The following WDR47 variants were observed in gnomAD, a reference collection of about 807,000 sequenced individuals.
The protein encoded by WDR47 is WD repeat domain 47, also known as WD repeat-containing protein 47.
A neutral mutation model predicts 97.2 loss-of-function variants in WDR47; 32 were observed. The ratio of observed to expected loss-of-function variants is 0.33; its 90% CI spans 0.25 to 0.44. WDR47 has a LOEUF of 0.44. Ranked by LOEUF, WDR47 falls within the 20% of genes least tolerant of loss-of-function variation. WDR47 has a pLI of 1.00. For missense variants in WDR47, 782 were observed against 1,102.3 expected (o/e 0.71, Z 4.11); for synonymous variants, 375 against 373.5 (o/e 1.00, Z -0.05).
chr1:109,040,418 C>T (rs1174720714), intron 1 of WDR47, among the ~76,000 whole-genome samples: 2 of 151,724 alleles, frequency 1.3e-5, no homozygotes, highest in Non-Finnish European at 2.9e-5. Flanking sequence ...CCCCTGTTCT[C>T]TTATGACACA....
chr1:109,018,623 TG>T (rs1407918718), intron 2 of WDR47, among the ~76,000 whole-genome samples: 5 of 151,996 alleles, frequency 3.3e-5, no homozygotes, highest in African/African-American at 1.2e-4. Flanking sequence ...GAAACCAGCC[TG>T]GGAAACATGG....
At chr1:108,986,055 A>C (rs954049667) in intron 10 of WDR47, among the ~76,000 whole-genome samples, 1 of 152,056 alleles carries the variant, frequency 6.6e-6, no homozygotes, top group African/African-American at 2.4e-5. Context: ...AAAAGTCTTA[A>C]GAGGTGTAAA....
At chr1:108,988,270 A>G (rs1416993294) in intron 9 of WDR47, among the ~76,000 whole-genome samples, 1 of 149,906 alleles carries the variant, frequency 6.7e-6, no homozygotes, top group African/African-American at 2.5e-5. Context: ...AAGAATAAGT[A>G]TGCATTCCTA....
intron 9 of WDR47, among the ~76,000 whole-genome samples, chr1:108,990,873 G>A (rs1200649505): frequency 6.6e-6 from 1 of 152,026 alleles, no homozygotes; most frequent in African/African-American, 2.4e-5. Flanking sequence ...CCATTAATAT[G>A]AACACTCCCA....
chr1:109,015,975 T>C (rs1020257414), intron 3 of WDR47, among the ~76,000 whole-genome samples: 6 of 78,524 alleles, frequency 7.6e-5, no homozygotes, highest in Admixed American at 1.8e-4. Context: ...AGAGTGAGAC[T>C]CCATCTCAAA....
At chr1:108,993,640 T>C (rs1659535322) in intron 8 of WDR47, among the ~76,000 whole-genome samples, 1 of 152,114 alleles carries the variant, frequency 6.6e-6, no homozygotes, top group South Asian at 2.1e-4. Flanking sequence ...CAGGATTCTA[T>C]CTAGACCTAC....
At chr1:109,026,057 T>C (rs552508148) in intron 1 of WDR47, among the ~76,000 whole-genome samples, 2 of 152,176 alleles carry the variant, frequency 1.3e-5, no homozygotes, top group African/African-American at 4.8e-5. Flanking sequence ...ATTCTTTTTT[T>C]TTTTTTAAAG....
intron 7 of WDR47, among the ~76,000 whole-genome samples, chr1:109,000,932 T>C (rs1398461430): frequency 2.0e-5 from 3 of 152,208 alleles, no homozygotes; most frequent in South Asian, 2.1e-4. Context: ...CATTTGCATA[T>C]ATTAATTCAC....
intron 2 of WDR47, 65 bp downstream of exon 2, chr1:109,023,290 T>G: frequency 6.7e-7 from 1 of 1,484,496 alleles, no homozygotes; most frequent in Admixed American, 2.0e-5. Flanking sequence ...TTATATATAT[T>G]ACCTTATTAA....
chr1:109,006,068 TA>T (rs1254356809), intron 5 of WDR47, among the ~76,000 whole-genome samples: 10 of 152,032 alleles, frequency 6.6e-5, no homozygotes, highest in African/African-American at 2.4e-4. Context: ...TATGTTTCTA[TA>T]GATTTTTAAG....
chr1:109,000,575 T>C (rs534331701), intron 7 of WDR47, among the ~76,000 whole-genome samples: 14 of 145,440 alleles, frequency 9.6e-5, no homozygotes, highest in African/African-American at 3.3e-4. Flanking sequence ...CTTTGGGACG[T>C]TGAGATGGGA....
chr1:109,014,091 T>A (rs968227313), intron 3 of WDR47, among the ~76,000 whole-genome samples, 166 bp from the exon 4 acceptor site: 1 of 152,212 alleles, frequency 6.6e-6, no homozygotes, highest in African/African-American at 2.4e-5. Context: ...AATCACAATT[T>A]AACACTCAGA....
intron 2 of WDR47, among the ~76,000 whole-genome samples, chr1:109,018,125 C>CTA (rs1364003124): frequency 6.6e-6 from 1 of 152,026 alleles, no homozygotes; most frequent in Admixed American, 6.6e-5. Context: ...CTCATACTAA[C>CTA]TATATATATG....
At chr1:109,006,376 A>G (rs1660624714) in intron 5 of WDR47, among the ~76,000 whole-genome samples, 2 of 152,158 alleles carry the variant, frequency 1.3e-5, no homozygotes, top group African/African-American at 4.8e-5. Flanking sequence ...CTGGGCAATA[A>G]GAGCTAGACT....
At chr1:109,020,817 T>G (rs747173761) in intron 2 of WDR47, among the ~76,000 whole-genome samples, 7 of 131,854 alleles carry the variant, frequency 5.3e-5, no homozygotes, top group Non-Finnish European at 9.0e-5. Context: ...CCTAATATAA[T>G]AAAGCTTTGT....
intron 7 of WDR47, among the ~76,000 whole-genome samples, chr1:109,000,114 G>A (rs370622750): frequency 1.3e-5 from 2 of 152,060 alleles, no homozygotes; most frequent in Non-Finnish European, 2.9e-5. Flanking sequence ...GGGAGACTGA[G>A]GCAGGAGGAC....
intron 2 of WDR47, among the ~76,000 whole-genome samples, chr1:109,022,935 T>G (rs1661954527): frequency 6.7e-6 from 1 of 149,362 alleles, no homozygotes; most frequent in South Asian, 2.3e-4. Context: ...TCGGGTGCGG[T>G]GGCTCACGCC....
chr1:108,973,421 A>G (rs1657635408), intron 14 of WDR47, among the ~76,000 whole-genome samples: 1 of 152,222 alleles, frequency 6.6e-6, no homozygotes, highest in Non-Finnish European at 1.5e-5. Flanking sequence ...AAGCTCCATC[A>G]GGGAGGGAAT....
At chr1:109,000,061 G>C (rs1307163641) in intron 7 of WDR47, among the ~76,000 whole-genome samples, 1 of 152,116 alleles carries the variant, frequency 6.6e-6, no homozygotes, top group Non-Finnish European at 1.5e-5. Context: ...CAATCCTTGT[G>C]TGAGCCGGCT....
Sources: allele counts gnomAD v4.1 joint callset (sites outside exome capture counted in the v4.1 genomes callset), GRCh38; gene constraint gnomAD v4.1.1; transcripts MANE v1.5; gene names NCBI Gene and HGNC (gene_info 2026-07-23, HGNC 2026-07-21).